Variants in CEP112 observed in about 807,000 individuals in gnomAD.
CEP112 encodes the protein centrosomal protein 112, also known as centrosomal protein of 112 kDa.
CEP112 carries 127 observed loss-of-function variants against 153.0 expected under a neutral mutation model. The observed-to-expected ratio is 0.83, with a 90% confidence interval of 0.72 to 0.96. The LOEUF (loss-of-function observed/expected upper bound fraction) is 0.96, where lower values mean the gene tolerates loss of function less well. Among genes scored for constraint, CEP112 ranks in the 40% least tolerant of loss-of-function variants. The pLI is 0.00. For synonymous variants in CEP112, 358 were observed against 374.4 expected, an observed-to-expected ratio of 0.96 and a Z score of 0.51; for missense variants, 1,089 against 1,101.2, an observed-to-expected ratio of 0.99 and a Z score of 0.16.
chr17:66,109,344 A>G (rs974118305), intron 6 of CEP112, among the ~76,000 whole-genome samples: 4 of 152,188 alleles, frequency 2.6e-5, no homozygotes, highest in African/African-American at 9.6e-5. Flanking sequence ...TGTCATTATT[A>G]TGTATCATAT....
intron 6 of CEP112, among the ~76,000 whole-genome samples, chr17:66,116,378 TG>T: frequency 6.6e-6 from 1 of 152,334 alleles, no homozygotes; most frequent in East Asian, 1.9e-4. Flanking sequence ...TCTAATGCTT[TG>T]GGGGAAATTT....
chr17:65,782,779 A>G (rs764943963), intron 21 of CEP112, among the ~76,000 whole-genome samples: 5 of 152,158 alleles, frequency 3.3e-5, no homozygotes, highest in Non-Finnish European at 7.4e-5. Flanking sequence ...ACTCATGGAC[A>G]TAAAGATGGC....
At chr17:65,983,665 TA>T (rs895730722) in intron 17 of CEP112, among the ~76,000 whole-genome samples, 1 of 152,196 alleles carries the variant, frequency 6.6e-6, no homozygotes, top group African/African-American at 2.4e-5. Context: ...TAACCATGAG[TA>T]AAAGCTTCCT....
intron 8 of CEP112, among the ~76,000 whole-genome samples, chr17:66,093,379 C>T (rs147731649): frequency 9.2e-5 from 14 of 151,564 alleles, no homozygotes; most frequent in Non-Finnish European, 1.3e-4. Context: ...TGGAAAGGAA[C>T]GAGTGAAATG....
chr17:65,916,539 C>A (rs8077118), intron 19 of CEP112, among the ~76,000 whole-genome samples: 27,638 of 145,950 alleles, frequency 0.19, 2,705 homozygotes, highest in Admixed American at 0.29. Flanking sequence ...AAAACAGCTT[C>A]TTTTTTTTTT....
In CEP112 at chr17:65,852,615, T is replaced by C. The variant is rs544057129; in HGVS notation, c.2164-581A>G. Among the ~76,000 whole-genome samples, 92 of 150,892 alleles carry C rather than the reference T, an allele frequency of 6.1e-4. 1 individual carries two copies. The highest frequency in any genetic ancestry group is 2.2e-3 in the African/African-American group (90 of 40,986). ...TTTTGGATCTTTAAACAACATATTGTTTAGTTTTACTTGTTTCTAATTTCT... is the reference window on the plus strand; with the variant it reads ...TTTTGGATCTTTAAACAACATATTGCTTAGTTTTACTTGTTTCTAATTTCT... On this transcript the variant is annotated intron_variant, in intron 20 of 26. Coordinates refer to ENST00000535342, the MANE Select transcript of CEP112 (RefSeq NM_001199165.4).
rs1568314131 is a variant in CEP112, at chr17:65,970,426, G to GCACGCACA, written c.1737-8829_1737-8828insTGTGCGTG. Among the ~76,000 whole-genome samples the GCACGCACA allele has an allele frequency of 3.1e-4, 15 of 48,498 alleles. 1 individual carries two copies. The highest frequency in any genetic ancestry group is 7.7e-4 in the African/African-American group (13 of 16,970). 31.8% of individuals were successfully genotyped at this position (48,498 alleles called of 152,430 possible). On this transcript the variant is annotated intron_variant, in intron 17 of 26. Coordinates refer to ENST00000535342, the MANE Select transcript of CEP112 (RefSeq NM_001199165.4). ...CACACATCATGCATGTATATTACAT[G>GCACGCACA]CATGCACACATCATGCATGTATATT...
At chr17:66,077,080 A>G (rs1045067713) in intron 8 of CEP112, among the ~76,000 whole-genome samples, 1 of 152,202 alleles carries the variant, frequency 6.6e-6, no homozygotes, top group African/African-American at 2.4e-5. Flanking sequence ...GACTTTTCTC[A>G]GAGCCTACCC....
At chr17:65,963,164 C>T (rs1368029249) in intron 17 of CEP112, among the ~76,000 whole-genome samples, 1 of 151,908 alleles carries the variant, frequency 6.6e-6, no homozygotes, top group Non-Finnish European at 1.5e-5. Flanking sequence ...CTTTCCTGAT[C>T]TTCCAGATGC....
intron 23 of CEP112, among the ~76,000 whole-genome samples, chr17:65,726,346 A>AC (rs1385765932): frequency 6.6e-6 from 1 of 152,008 alleles, no homozygotes; most frequent in East Asian, 1.9e-4. Flanking sequence ...CTCAAAAAAA[A>AC]AATTATTATT....
intron 20 of CEP112, among the ~76,000 whole-genome samples, chr17:65,861,162 A>G (rs750752518): frequency 9.2e-5 from 14 of 152,236 alleles, no homozygotes; most frequent in African/African-American, 1.4e-4. Context: ...TGACACAGTT[A>G]ATGGTGAAGA....
chr17:65,709,306 C>A (rs2049060803), intron 23 of CEP112, among the ~76,000 whole-genome samples: 1 of 152,208 alleles, frequency 6.6e-6, no homozygotes, highest in Admixed American at 6.5e-5. Context: ...TGGTTTCACA[C>A]TGCTGATAAA....
rs57700701 is a variant in CEP112 at position 66,017,999 on chromosome 17, CA to C, written c.1656+9501del. On this transcript the variant is annotated intron_variant, in intron 16 of 26. Transcript: ENST00000535342. The stretch of plus-strand genomic sequence containing the variant: ...TGGGCAACAGAGCAAGACTCTGTCT[CA>C]AAAAAAAAAAAAAAATCCTTGTTTG... Among the ~76,000 whole-genome samples the C allele has an allele frequency of 5.4e-3, 725 of 135,466 alleles. 2 individuals carry two copies. The highest frequency in any genetic ancestry group is 0.012 in the African/African-American group (469 of 37,746). 88.9% of individuals were successfully genotyped at this position (135,466 alleles called of 152,430 possible). A position where few individuals can be genotyped will look rare whatever the true frequency, so the allele number is the denominator to read the frequency against.
chr17:66,031,077 C>A (rs993508442), intron 12 of CEP112, among the ~76,000 whole-genome samples: 7 of 152,178 alleles, frequency 4.6e-5, no homozygotes, highest in Admixed American at 1.3e-4. Flanking sequence ...TAAATGCATA[C>A]AATTCTAGAC....
chr17:65,654,327 A>G (rs2045949694), intron 24 of CEP112, among the ~76,000 whole-genome samples: 1 of 152,218 alleles, frequency 6.6e-6, no homozygotes, highest in South Asian at 2.1e-4. Context: ...CAATCTTAAA[A>G]ATATTCATTT....
At chr17:65,640,026 C>T (rs376331668) in intron 25 of CEP112, among the ~76,000 whole-genome samples, 12 of 149,180 alleles carry the variant, frequency 8.0e-5, no homozygotes, top group Non-Finnish European at 1.6e-4. Context: ...TTAGTAGAGA[C>T]GGGGTTTCAC....
intron 21 of CEP112, among the ~76,000 whole-genome samples, chr17:65,752,136 T>C (rs987496667): frequency 2.0e-5 from 3 of 152,192 alleles, no homozygotes; most frequent in Admixed American, 2.0e-4. Context: ...GTAGAGTGTG[T>C]GTGTGTGTTT....
rs2057951537 is a variant in CEP112 at position 65,852,011 on chromosome 17, C to T, written c.2187G>A (p.Gln729=). 1 of 1,610,834 alleles carries T rather than the reference C, an allele frequency of 6.2e-7. No individual in the cohort carries two copies. The highest frequency in any genetic ancestry group is 1.7e-4 in the Middle Eastern group (1 of 6,042). ...TCAATTCTTCTCTCAACTTGTGAAC[C>T]TGGGCCTCCATGTCGGCAATAACCT... ...DAQVIADMEA[Q]VHKLREELIN... The change falls in exon 21 of 27, where the codon CAG becomes CAA. Residue 729 remains glutamine, a synonymous_variant. Coordinates refer to ENST00000535342, the MANE Select transcript of CEP112 (RefSeq NM_001199165.4).
rs149852318 is a variant in CEP112 at position 65,706,958 on chromosome 17, A to G, written c.2608-17740T>C. ...ATTATCCAAGGCAAAAACTCAGGAG[A>G]TCTCTTTGACAACTTGCTTCTATTC... On this transcript the variant is annotated intron_variant, in intron 23 of 26. Coordinates refer to ENST00000535342, the MANE Select transcript of CEP112 (RefSeq NM_001199165.4). Among the ~76,000 whole-genome samples the G allele has an allele frequency of 2.4e-4, 36 of 152,264 alleles. No homozygotes were observed. The East Asian group carries it at 7.0e-3, about 29-fold the overall frequency.
Sources: gnomAD v4.1 joint callset for allele counts (sites outside exome capture counted in the v4.1 genomes callset) on GRCh38, gnomAD v4.1.1 for gene constraint, MANE v1.5 for transcripts, NCBI Gene and HGNC (gene_info 2026-07-23, HGNC 2026-07-21) for gene names.